Variants in TAFA1 observed in about 807,000 individuals in gnomAD.
TAFA1 encodes TAFA chemokine like family member 1, also known as chemokine-like protein TAFA-1.
A neutral mutation model predicts 18.5 loss-of-function variants in TAFA1; 4 were observed. The observed-to-expected ratio is 0.22, with a 90% CI of 0.11 to 0.49. TAFA1 has a LOEUF of 0.49. TAFA1 is among the 20% of genes least tolerant of loss of function. The probability of loss-of-function intolerance (pLI) is 0.98; values close to 1 mark genes in which losing one functional copy is unlikely to be tolerated. For synonymous variants in TAFA1, 56 were observed against 55.2 expected (o/e 1.01, Z -0.06); for missense variants, 147 against 169.0 (o/e 0.87, Z 0.72).
intron 2 of TAFA1, among the ~76,000 whole-genome samples, chr3:68,232,600 C>A (rs927811738): frequency 6.6e-6 from 1 of 151,914 alleles, no homozygotes; most frequent in East Asian, 1.9e-4. Flanking sequence ...TATGGTAATT[C>A]TATTTTTAGT....
chr3:68,476,640 G>A (rs2072102094), intron 3 of TAFA1, among the ~76,000 whole-genome samples: 1 of 152,038 alleles, frequency 6.6e-6, no homozygotes, highest in Admixed American at 6.6e-5. Flanking sequence ...CAATAATTGT[G>A]GCTAAAAGAT....
chr3:68,431,845 G>A (rs2071180468), intron 3 of TAFA1, among the ~76,000 whole-genome samples: 2 of 151,846 alleles, frequency 1.3e-5, no homozygotes, highest in African/African-American at 4.8e-5. Context: ...CTTAAGAGCC[G>A]AGCTCCCCGA....
At chr3:68,505,265 A>G (rs1330825969) in intron 3 of TAFA1, among the ~76,000 whole-genome samples, 1 of 152,160 alleles carries the variant, frequency 6.6e-6, no homozygotes, top group Non-Finnish European at 1.5e-5. Flanking sequence ...GTCACATATG[A>G]TGCAAGCTGT....
intron 3 of TAFA1, among the ~76,000 whole-genome samples, chr3:68,447,395 C>A (rs960182424): frequency 6.6e-6 from 1 of 152,190 alleles, no homozygotes; most frequent in Non-Finnish European, 1.5e-5. Context: ...CTGTCCACTG[C>A]AGTTCCCTCC....
chr3:68,358,157 G>A (rs2069399663), intron 2 of TAFA1, among the ~76,000 whole-genome samples: 1 of 151,876 alleles, frequency 6.6e-6, no homozygotes, highest in Admixed American at 6.6e-5. Flanking sequence ...ACAACTAAGT[G>A]TATGTATTTT....
At chr3:68,009,024 C>A (rs992067469) in intron 2 of TAFA1, among the ~76,000 whole-genome samples, 1 of 152,112 alleles carries the variant, frequency 6.6e-6, no homozygotes, top group Admixed American at 6.5e-5. Flanking sequence ...ACTGATGTCC[C>A]CCCTTAATAG....
chr3:68,409,727 C>T (rs1052769662), intron 2 of TAFA1, among the ~76,000 whole-genome samples: 13 of 152,236 alleles, frequency 8.5e-5, no homozygotes, highest in Middle Eastern at 6.8e-3. Context: ...AAGGACCGGA[C>T]ATTAGCAAGT....
intron 3 of TAFA1, among the ~76,000 whole-genome samples, chr3:68,473,531 G>A (rs932072879): frequency 3.3e-5 from 5 of 152,028 alleles, no homozygotes; most frequent in African/African-American, 1.2e-4. Context: ...TTACTAGCAG[G>A]TAGCATTATT....
intron 2 of TAFA1, among the ~76,000 whole-genome samples, chr3:68,013,876 T>C (rs1437977864): frequency 6.6e-6 from 1 of 152,178 alleles, no homozygotes; most frequent in Non-Finnish European, 1.5e-5. Context: ...TGGATAGGAA[T>C]GCTGAGGGAT....
chr3:68,491,291 A>C (rs965164752), intron 3 of TAFA1, among the ~76,000 whole-genome samples: 1 of 152,090 alleles, frequency 6.6e-6, no homozygotes, highest in African/African-American at 2.4e-5. Flanking sequence ...AACCAACCCA[A>C]ATGTCCAACA....
intron 2 of TAFA1, among the ~76,000 whole-genome samples, chr3:68,062,478 G>C (rs1191328574): frequency 6.6e-6 from 1 of 152,100 alleles, no homozygotes; most frequent in Non-Finnish European, 1.5e-5. Flanking sequence ...ATTTATTCTT[G>C]GGAAAGTGAA....
chr3:68,001,151 G>A (rs953340115), upstream of TAFA1, among the ~76,000 whole-genome samples: 1 of 152,164 alleles, frequency 6.6e-6, no homozygotes, highest in Non-Finnish European at 1.5e-5. Context: ...AGGAGGTGAA[G>A]CTGGTGGGAT....
intron 2 of TAFA1, among the ~76,000 whole-genome samples, chr3:68,302,478 A>T (rs78644834): frequency 0.015 from 2,269 of 152,278 alleles, 58 homozygotes; most frequent in African/African-American, 0.052. Flanking sequence ...ATATGCTAAT[A>T]GCTGGTAATG....
At chr3:68,386,631 C>T (rs1250126419) in intron 2 of TAFA1, among the ~76,000 whole-genome samples, 1 of 152,120 alleles carries the variant, frequency 6.6e-6, no homozygotes, top group Non-Finnish European at 1.5e-5. Context: ...CTGGAGAGAA[C>T]TGTTTGCCTT....
At chr3:68,510,487 A>C (rs1338252972) in intron 3 of TAFA1, among the ~76,000 whole-genome samples, 1 of 152,170 alleles carries the variant, frequency 6.6e-6, no homozygotes, top group African/African-American at 2.4e-5. Flanking sequence ...CTTTTAAACC[A>C]GGGAGCCACT....
rs545130714 is a variant in TAFA1 at position 68,091,214 on chromosome 3, A to T, written c.118+84470A>T. Among the ~76,000 whole-genome samples, 30 of 152,314 alleles carry T rather than the reference A, an allele frequency of 2.0e-4. 1 individual carries two copies. In the South Asian group the frequency reaches 5.0e-3, roughly 25 times the overall value. On this transcript the variant is annotated intron_variant, in intron 2 of 4. Coordinates refer to ENST00000478136, the MANE Select transcript of TAFA1 (RefSeq NM_213609.4). Reference sequence around the variant, plus strand: ...ACAGACTTCTCTCTGGGGATAATGGAACATTGAAAATTGGGCATTTTAAAT... The same window carrying T: ...ACAGACTTCTCTCTGGGGATAATGGTACATTGAAAATTGGGCATTTTAAAT...
At chr3:68,018,212 G>A (rs1314446519) in intron 2 of TAFA1, among the ~76,000 whole-genome samples, 1 of 152,166 alleles carries the variant, frequency 6.6e-6, no homozygotes, top group Non-Finnish European at 1.5e-5. Flanking sequence ...GAGATGGATG[G>A]AAAGAGCCCC....
At chr3:68,466,502 A>G (rs2071887034) in intron 3 of TAFA1, among the ~76,000 whole-genome samples, 1 of 152,150 alleles carries the variant, frequency 6.6e-6, no homozygotes, top group African/African-American at 2.4e-5. Context: ...GTGTTCAGAG[A>G]AGGTTAACGA....
chr3:68,077,041 C>G (rs1234108759), intron 2 of TAFA1, among the ~76,000 whole-genome samples: 10 of 151,638 alleles, frequency 6.6e-5, no homozygotes, highest in Non-Finnish European at 8.8e-5. Context: ...TTTTGATTTG[C>G]ATTTCTCTGA....
Sources: gnomAD v4.1 joint callset for allele counts (sites outside exome capture counted in the v4.1 genomes callset) on GRCh38, gnomAD v4.1.1 for gene constraint, MANE v1.5 for transcripts, NCBI Gene and HGNC (gene_info 2026-07-23, HGNC 2026-07-21) for gene names.